CACNA1H: variants seen among roughly 807,000 people sequenced by gnomAD.
The protein encoded by CACNA1H is calcium voltage-gated channel subunit alpha1 H, also known as voltage-dependent T-type calcium channel subunit alpha-1H.
In CACNA1H, 149 loss-of-function variants were observed where a neutral mutation model predicts 192.5. That is an observed-to-expected ratio of 0.77 (90% CI 0.68 to 0.89). The LOEUF (loss-of-function observed/expected upper bound fraction) is 0.89, where lower values mean the gene tolerates loss of function less well. CACNA1H is among the 40% of genes least tolerant of loss of function. The pLI, the probability that CACNA1H is intolerant of heterozygous loss-of-function variation, is 0.00. For missense variants in CACNA1H, 4,257 were observed against 3,423.5 expected, an observed-to-expected ratio of 1.24 and a Z score of -6.08; for synonymous variants, 2,202 against 1,475.2, an observed-to-expected ratio of 1.49 and a Z score of -11.29.
In CACNA1H at chr16:1,210,940, C is replaced by G; in HGVS notation, c.4192C>G (p.Leu1398Val). Reference sequence around the variant, plus strand: ...CAAGATCCTGGGTGTTCTGCGCGTGCTGCGTCTGCTGCGGACCCTGCGGCC... The same window carrying G: ...CAAGATCCTGGGTGTTCTGCGCGTGGTGCGTCTGCTGCGGACCCTGCGGCC... ...GAKILGVLRV[L>V]RLLRTLRPLR... The change falls in exon 21 of 35, where the codon CTG becomes GTG. Residue 1398 changes from leucine (L) to valine (V), a missense_variant. Leu to Val is a conservative substitution (Grantham distance 32). Transcript: ENST00000348261. 6.2e-7 allele frequency: 1 copy of G among 1,600,326 alleles called. No individual in the cohort carries two copies. Among genetic ancestry groups the G allele is most frequent in the South Asian group, 1.1e-5 (1 of 90,990 alleles).
At chr16:1,212,589 C>T (rs918864262) in intron 26 of CACNA1H, 61 bp downstream of exon 26, 21 of 1,573,424 alleles carry the variant, frequency 1.3e-5, no homozygotes, top group Admixed American at 5.4e-5. Flanking sequence ...CGGGGAAGGG[C>T]GGGCATCCCA....
At chr16:1,183,342 C>T (rs1356896943) in intron 2 of CACNA1H, among the ~76,000 whole-genome samples, 1 of 152,200 alleles carries the variant, frequency 6.6e-6, no homozygotes, top group African/African-American at 2.4e-5. Flanking sequence ...CCTGCGGTGG[C>T]TTCTCCCGAG....
chr16:1,209,497 C>A, intron 17 of CACNA1H, 85 bp downstream of exon 17: 1 of 1,518,648 alleles, frequency 6.6e-7, no homozygotes, highest in Non-Finnish European at 8.9e-7. Context: ...AGATGGGATT[C>A]AGGGCGTGTT....
At chr16:1,196,168 T>G in intron 5 of CACNA1H, 145 bp downstream of exon 5, 1 of 658,996 alleles carries the variant, frequency 1.5e-6, no homozygotes, top group Non-Finnish European at 2.6e-6. Context: ...ACCCCAGCAG[T>G]GGGGTGGCCC....
intron 30 of CACNA1H, among the ~76,000 whole-genome samples, 174 bp downstream of exon 30, chr16:1,215,767 G>A (rs1969974277): frequency 1.3e-5 from 2 of 152,170 alleles, no homozygotes; most frequent in African/African-American, 4.8e-5. Flanking sequence ...GGCAGAGGTG[G>A]ATCCAGCCGC....
rs563225486 is a variant in CACNA1H, at chr16:1,167,149, G to C, written c.299+13113G>C. Among the ~76,000 whole-genome samples, 11 of 152,140 alleles carry C rather than the reference G, an allele frequency of 7.2e-5. No individual in the cohort carries two copies. The highest frequency in any genetic ancestry group is 1.3e-4 in the Admixed American group (2 of 15,278). On this transcript the variant is annotated intron_variant, in intron 2 of 34. Transcript: ENST00000348261. The surrounding 1 kb of genome is among the most constrained non-coding windows in gnomAD (Gnocchi z 4.2). The stretch of plus-strand genomic sequence containing the variant: ...GGACACGGCCCTTCCTTTCCTCGCC[G>C]ACCCTTTGGGGCGTCTCCCATCGGG...
At chr16:1,219,368 C>G (rs557590303) in intron 34 of CACNA1H, among the ~76,000 whole-genome samples, 10 of 152,328 alleles carry the variant, frequency 6.6e-5, no homozygotes, top group Admixed American at 3.3e-4. Flanking sequence ...GGACCTGAGT[C>G]TTCTTGGACC....
chr16:1,206,788 G>A (rs1243980152), intron 12 of CACNA1H: 7 of 542,516 alleles, frequency 1.3e-5, no homozygotes, highest in African/African-American at 3.8e-5. Context: ...TGGTTCTCTC[G>A]CCTGTGGAAT....
In CACNA1H at chr16:1,209,367, C is replaced by G; in HGVS notation, c.3699C>G (p.Asp1233Glu). The G allele has an allele frequency of 2.5e-6, 4 of 1,598,036 alleles. No individual in the cohort carries two copies. Among genetic ancestry groups the G allele is most frequent in the Non-Finnish European group, 3.4e-6 (4 of 1,179,596 alleles). ...ALPSDFFLRI[D>E]SHREDAAELD... ...CCAGCGACTTCTTCCTGCGCATCGA[C>G]AGCCACCGTGAGGATGCAGCCGAGC... Residue 1233 changes from aspartate (D) to glutamate (E), a missense_variant, in exon 17 of 35, where the codon GAC (aspartate) becomes GAG (glutamate). Physicochemically the swap from Asp to Glu is conservative, Grantham distance 45 (BLOSUM62 2). Transcript: ENST00000348261.
At chr16:1,163,328 G>A (rs529428857) in intron 2 of CACNA1H, among the ~76,000 whole-genome samples, 8 of 152,338 alleles carry the variant, frequency 5.3e-5, no homozygotes, top group Admixed American at 2.0e-4. Flanking sequence ...CTGGGAGGCC[G>A]GCGCCGGGGT....
At chr16:1,217,274 C>A (rs1657012532) in intron 31 of CACNA1H, among the ~76,000 whole-genome samples, 1 of 152,244 alleles carries the variant, frequency 6.6e-6, no homozygotes, top group African/African-American at 2.4e-5. Flanking sequence ...GGATGCCTGC[C>A]ACACGTGAGG....
rs199664795 is a variant in CACNA1H at position 1,200,278 on chromosome 16, C to T, written c.826C>T (p.Arg276Trp). ...FVRNNNLTFL[R>W]PYYQTEEGEE... ...CAGGAACAACAACCTGACCTTCCTG[C>T]GGCCGTACTACCAGACGGAGGAGGG... The change falls in exon 7 of 35, where the codon CGG becomes TGG. Residue 276 changes from arginine (R) to tryptophan (W), a missense_variant. Transcript: ENST00000348261. The T allele has an allele frequency of 5.6e-5, 89 of 1,601,554 alleles. No individual in the cohort carries two copies. Among genetic ancestry groups the T allele is most frequent in the Admixed American group, 2.2e-4 (13 of 58,734 alleles).
intron 2 of CACNA1H, among the ~76,000 whole-genome samples, chr16:1,183,112 G>A (rs778778494): frequency 1.5e-4 from 22 of 151,212 alleles, no homozygotes; most frequent in Non-Finnish European, 3.0e-4. Flanking sequence ...GACACGGTGG[G>A]GCCCCAGGTG....
intron 11 of CACNA1H, among the ~76,000 whole-genome samples, chr16:1,205,751 C>T (rs949917278): frequency 2.6e-5 from 4 of 152,190 alleles, no homozygotes; most frequent in South Asian, 2.1e-4. Flanking sequence ...TGCAGGGTCT[C>T]CCATCCTGGG....
chr16:1,184,218 G>A (rs752088570), intron 2 of CACNA1H, among the ~76,000 whole-genome samples: 1 of 152,234 alleles, frequency 6.6e-6, no homozygotes, highest in Non-Finnish European at 1.5e-5. Flanking sequence ...GCCCCTCCCC[G>A]AGCCCTGAGA....
intron 2 of CACNA1H, among the ~76,000 whole-genome samples, chr16:1,154,866 G>C (rs567274295): frequency 2.0e-5 from 3 of 152,332 alleles, no homozygotes; most frequent in South Asian, 2.1e-4. Flanking sequence ...TGGCCTTGGG[G>C]GCGGGTCTCC....
intron 2 of CACNA1H, among the ~76,000 whole-genome samples, chr16:1,179,524 G>A (rs969824529): frequency 1.1e-4 from 16 of 152,124 alleles, no homozygotes; most frequent in African/African-American, 3.9e-4. Flanking sequence ...CGCCTCCCGG[G>A]TTCAAGCGAT....
chr16:1,178,322 T>A (rs1193124073), intron 2 of CACNA1H, among the ~76,000 whole-genome samples: 2 of 73,808 alleles, frequency 2.7e-5, no homozygotes, highest in Non-Finnish European at 5.4e-5. Context: ...CCCAGCCGCC[T>A]CATTTACGGG....
At chr16:1,213,633 G>T in intron 26 of CACNA1H, 147 bp from the exon 27 acceptor site, 1 of 534,250 alleles carries the variant, frequency 1.9e-6, no homozygotes, top group Non-Finnish European at 3.2e-6. Flanking sequence ...GCCCTGCCAT[G>T]AGGCAGGGCC....
Sources: allele counts gnomAD v4.1 joint callset (sites outside exome capture counted in the v4.1 genomes callset), GRCh38; gene constraint gnomAD v4.1.1; non-coding constraint Gnocchi (gnomAD v3.1); transcripts MANE v1.5; gene names NCBI Gene and HGNC (gene_info 2026-07-23, HGNC 2026-07-21).